EVC2: variants seen among roughly 807,000 people sequenced by gnomAD.
EVC2 encodes the protein limbin.
A neutral mutation model predicts 149.3 loss-of-function variants in EVC2; 148 were observed. The ratio of observed to expected loss-of-function variants is 0.99; its 90% confidence interval spans 0.87 to 1.14. The LOEUF is 1.14. EVC2 is among the 50% of genes most tolerant of loss of function. EVC2 has a pLI of 0.00. For synonymous variants in EVC2, 776 were observed against 649.9 expected (o/e 1.19, Z -2.95); for missense variants, 1,854 against 1,627.3 (o/e 1.14, Z -2.40).
Position 5,611,645 on chromosome 4 carries a change from G to A in EVC2, c.2829+3777C>T, listed in dbSNP as rs377162100. Among the ~76,000 whole-genome samples, 4 of 152,082 alleles carry A rather than the reference G, an allele frequency of 2.6e-5. No individual in the cohort carries two copies. The East Asian group carries it at 7.7e-4, about 29-fold the overall frequency. The stretch of plus-strand genomic sequence containing the variant: ...GTGGTAATGTGAGATATAAAGCACT[G>A]AAAATGTCTAAATAAAACAAAAATC... On this transcript the variant is annotated intron_variant, in intron 16 of 21. Transcript: ENST00000344408.
At chr4:5,599,390 C>T (rs1713766172) in intron 16 of EVC2, among the ~76,000 whole-genome samples, 2 of 151,972 alleles carry the variant, frequency 1.3e-5, no homozygotes, top group Admixed American at 6.6e-5. Context: ...ACTATGCAGC[C>T]ATAAAAAATG....
chr4:5,663,218 G>C lies in EVC2; in HGVS notation c.1034C>G (p.Pro345Arg), dbSNP rs145551263. 1.2e-6 allele frequency: 2 copies of C among 1,614,128 alleles called. No individual in the cohort carries two copies. Among genetic ancestry groups the C allele is most frequent in the Non-Finnish European group, 1.7e-6 (2 of 1,180,018 alleles). Residue 345 changes from proline to arginine, a missense_variant, in exon 9 of 22, where the codon CCC (proline) becomes CGC (arginine). Physicochemically the swap from Pro to Arg is moderately radical, Grantham distance 103. Transcript: ENST00000344408. ...RVWQYESKLE[P>R]LPFTSADGVN... Reference sequence around the variant, plus strand: ...GCCATCAGCTGAGGTGAACGGCAAGGGTTCCAGCTTGCTCTCATACTGCCA... The same window carrying C: ...GCCATCAGCTGAGGTGAACGGCAAGCGTTCCAGCTTGCTCTCATACTGCCA...
At chr4:5,595,556 C>T (rs1422062285) in intron 16 of EVC2, among the ~76,000 whole-genome samples, 1 of 152,142 alleles carries the variant, frequency 6.6e-6, no homozygotes, top group East Asian at 1.9e-4. Context: ...CCTAAAAGAG[C>T]TCCTGAAGGA....
chr4:5,530,197 T>G, the EVC2 span, among the ~76,000 whole-genome samples: 1 of 152,282 alleles, frequency 6.6e-6, no homozygotes, highest in East Asian at 1.9e-4. Flanking sequence ...TCCTTACCTG[T>G]AGGGGCACTC....
intron 16 of EVC2, among the ~76,000 whole-genome samples, chr4:5,595,733 G>A (rs934463282): frequency 2.0e-5 from 3 of 152,156 alleles, no homozygotes; most frequent in African/African-American, 7.2e-5. Flanking sequence ...AACTTTAAAT[G>A]TAAATGGACT....
intron 19 of EVC2, among the ~76,000 whole-genome samples, chr4:5,572,492 G>A (rs149677773): frequency 4.6e-5 from 7 of 152,194 alleles, no homozygotes; most frequent in South Asian, 2.1e-4. Flanking sequence ...ATAAGGACCC[G>A]GCTTTCCTGT....
At chr4:5,646,852 C>T (rs1040467116) in intron 9 of EVC2, among the ~76,000 whole-genome samples, 1 of 152,092 alleles carries the variant, frequency 6.6e-6, no homozygotes, top group Non-Finnish European at 1.5e-5. Flanking sequence ...AAAAATAATG[C>T]CAGATTGGTA....
chr4:5,570,201 C>T (rs918728132), intron 19 of EVC2, among the ~76,000 whole-genome samples: 1 of 152,218 alleles, frequency 6.6e-6, no homozygotes, highest in South Asian at 2.1e-4. Context: ...CAGCACTTAA[C>T]CCCATTCCTG....
At chr4:5,700,881 C>G (rs1008212614) in intron 1 of EVC2, among the ~76,000 whole-genome samples, 2 of 152,220 alleles carry the variant, frequency 1.3e-5, no homozygotes, top group East Asian at 1.9e-4. Flanking sequence ...CACACACTTA[C>G]CAGCACCATT....
At chr4:5,699,586 T>C (rs1261043152) in intron 1 of EVC2, among the ~76,000 whole-genome samples, 2 of 111,640 alleles carry the variant, frequency 1.8e-5, no homozygotes, top group African/African-American at 7.1e-5. Context: ...GGTCCATCCA[T>C]AAAATGGAAT....
intron 8 of EVC2, among the ~76,000 whole-genome samples, chr4:5,665,136 G>T (rs1375921445): frequency 1.3e-5 from 2 of 152,070 alleles, no homozygotes; most frequent in Non-Finnish European, 1.5e-5. Context: ...CCACCTGGTT[G>T]CTGCTTAGAA....
chr4:5,686,026 C>T lies in EVC2; in HGVS notation c.707-547G>A, dbSNP rs1720680334. On this transcript the variant is annotated intron_variant, in intron 5 of 21. Transcript: ENST00000344408. This position sits in a 1 kb window ranked among gnomAD's most constrained non-coding sequence, Gnocchi z 5.4. The stretch of plus-strand genomic sequence containing the variant: ...AATATGCCTCATTTCTCAATGTATG[C>T]AGACCTCAAAAATATATATAGATAC... Among the ~76,000 whole-genome samples, 1 of 151,752 alleles carries T rather than the reference C, an allele frequency of 6.6e-6. No homozygotes were observed. The highest frequency in any genetic ancestry group is 1.5e-5 in the Non-Finnish European group (1 of 67,984).
rs1717232748 is a variant in EVC2 at position 5,640,400 on chromosome 4, G to A, written c.1470+114C>T. ...TAGATGAATGAGTGGGTGGTTGGAT[G>A]GATGATGGGTAGACGGATGGAGGAG... On this transcript the variant is annotated intron_variant, in intron 10 of 21. Transcript: ENST00000344408. This position sits in a 1 kb window ranked among gnomAD's most constrained non-coding sequence, Gnocchi z 4.6. The A allele has an allele frequency of 1.6e-6, 2 of 1,224,318 alleles. No individual in the cohort carries two copies. Among genetic ancestry groups the A allele is most frequent in the Non-Finnish European group, 2.4e-6 (2 of 828,096 alleles). The allele number at this position is 1,224,318 out of a possible 1,614,324, so 75.8% of individuals were successfully genotyped here.
At chr4:5,560,991 A>G (rs1385166147), downstream of EVC2, among the ~76,000 whole-genome samples, 1 of 152,186 alleles carries the variant, frequency 6.6e-6, no homozygotes, top group African/African-American at 2.4e-5. This position sits in a 1 kb window ranked among gnomAD's most constrained non-coding sequence, Gnocchi z 4.1. Flanking sequence ...TATTAACATA[A>G]GGAGTTATTA....
rs1326565629 is a variant in EVC2 at position 5,665,521 on chromosome 4, T to G, written c.999A>C (p.Arg333Ser). The G allele has an allele frequency of 6.2e-7, 1 of 1,614,108 alleles. No individual in the cohort carries two copies. The highest frequency in any genetic ancestry group is 8.5e-7 in the Non-Finnish European group (1 of 1,180,010). ...ACCCTCAGGGAAGACTCACCCGATG[T>G]CTGGTGAGCATGTTTCCCTTCAGAC... ...YQCLKGNMLT[R>S]HRVWQYESKL... Residue 333 changes from arginine (R) to serine (S), a missense_variant, in exon 8 of 22, where the codon AGA becomes AGC. Coordinates refer to ENST00000344408, the MANE Select transcript of EVC2 (RefSeq NM_147127.5).
At chr4:5,589,552 C>A (rs567625846) in intron 16 of EVC2, among the ~76,000 whole-genome samples, 1 of 152,308 alleles carries the variant, frequency 6.6e-6, no homozygotes, top group South Asian at 2.1e-4. Context: ...AGCTTTGTCT[C>A]TTTTACTCAA....
In EVC2 at chr4:5,576,138, G is replaced by T. The variant is rs1394846165; in HGVS notation, c.3272+102C>A. 1 of 1,590,716 alleles carries T rather than the reference G, an allele frequency of 6.3e-7. No individual in the cohort carries two copies. The highest frequency in any genetic ancestry group is 8.6e-7 in the Non-Finnish European group (1 of 1,165,470). On this transcript the variant is annotated intron_variant, in intron 18 of 21. Transcript: ENST00000344408. The surrounding 1 kb of genome is among the most constrained non-coding windows in gnomAD (Gnocchi z 4.5). ...ATGGGATGACACCTTAGGCAAGAGG[G>T]TGAGAGCCCAGGTGGGTATGGGTGG...
At chr4:5,648,634 T>C (rs1577205067) in intron 9 of EVC2, among the ~76,000 whole-genome samples, 3 of 152,190 alleles carry the variant, frequency 2.0e-5, no homozygotes, top group Admixed American at 2.0e-4. Flanking sequence ...TAAATAATAA[T>C]AGTTTCCTCA....
chr4:5,601,929 A>G (rs928147691), intron 16 of EVC2, among the ~76,000 whole-genome samples: 2 of 152,174 alleles, frequency 1.3e-5, no homozygotes, highest in African/African-American at 4.8e-5. Flanking sequence ...GATTAACAGA[A>G]GATGTGACAT....
Sources: gnomAD v4.1 joint callset for allele counts (sites outside exome capture counted in the v4.1 genomes callset) on GRCh38, gnomAD v4.1.1 for gene constraint, Gnocchi (gnomAD v3.1) non-coding constraint, MANE v1.5 for transcripts, NCBI Gene and HGNC (gene_info 2026-07-23, HGNC 2026-07-21) for gene names.